The following SLC9A4 variants were observed in gnomAD, a reference collection of about 807,000 sequenced individuals.
The protein encoded by SLC9A4 is sodium/hydrogen exchanger 4.
SLC9A4 carries 63 observed loss-of-function variants against 67.4 expected under a neutral mutation model. That is an observed-to-expected ratio of 0.93 (90% CI 0.76 to 1.15). The LOEUF (loss-of-function observed/expected upper bound fraction) is 1.15, where lower values mean the gene tolerates loss of function less well. Ranked by LOEUF, SLC9A4 falls within the 50% of genes most tolerant of loss-of-function variation. The probability of loss-of-function intolerance (pLI) is 0.00; values close to 1 mark genes in which losing one functional copy is unlikely to be tolerated. For synonymous variants in SLC9A4, 393 were observed against 367.2 expected, an observed-to-expected ratio of 1.07 and a Z score of -0.80; for missense variants, 1,089 against 987.7, an observed-to-expected ratio of 1.10 and a Z score of -1.38.
At chr2:102,475,549 C>T (rs1452379573) in intron 1 of SLC9A4, among the ~76,000 whole-genome samples, 1 of 152,174 alleles carries the variant, frequency 6.6e-6, no homozygotes, top group African/African-American at 2.4e-5. Context: ...TTCATTCTGT[C>T]TAGGAGCGAA....
rs1458051350 is a variant in SLC9A4, at chr2:102,512,257, T to G, written c.1543T>G (p.Tyr515Asp). 15 of 1,614,018 alleles carry G rather than the reference T, an allele frequency of 9.3e-6. No individual in the cohort carries two copies. The highest frequency in any genetic ancestry group is 1.6e-4 in the Middle Eastern group (1 of 6,084). Residue 515 changes from tyrosine (Y) to aspartate (D), a missense_variant, in exon 7 of 12, where the codon TAC (tyrosine) becomes GAC (aspartate). Physicochemically the swap from Tyr to Asp is radical, Grantham distance 160. Transcript: ENST00000295269. ...AGATGTGTGTGGGCACTGGAGTCAC[T>G]ACCAAGTGAGAGACAAGTAAGGAGG... is the stretch of plus-strand genomic sequence containing the variant. ...IEDVCGHWSH[Y>D]QVRDKFKKFD...
chr2:102,509,324 C>T (rs1415539222), intron 6 of SLC9A4, among the ~76,000 whole-genome samples: 1 of 152,212 alleles, frequency 6.6e-6, no homozygotes, highest in East Asian at 1.9e-4. Flanking sequence ...CTCCCTCTTC[C>T]ACACTGAAGG....
chr2:102,484,130 G>A (rs1242673641), intron 2 of SLC9A4, among the ~76,000 whole-genome samples: 2 of 152,014 alleles, frequency 1.3e-5, no homozygotes, highest in East Asian at 1.9e-4. Context: ...TAAGAGGCAT[G>A]ACCAAGTGCC....
intron 2 of SLC9A4, among the ~76,000 whole-genome samples, chr2:102,490,958 G>A (rs1158441463): frequency 6.6e-6 from 1 of 152,186 alleles, no homozygotes; most frequent in Non-Finnish European, 1.5e-5. Context: ...CACTGTGCTG[G>A]AGGAAAGAGA....
chr2:102,504,989 T>C (rs1206835936), intron 3 of SLC9A4, among the ~76,000 whole-genome samples: 2 of 152,250 alleles, frequency 1.3e-5, no homozygotes, highest in East Asian at 3.9e-4. Context: ...GCATTGGGTG[T>C]GCCCATGCGA....
intron 2 of SLC9A4, among the ~76,000 whole-genome samples, chr2:102,491,547 T>C (rs1334364255): frequency 2.0e-5 from 3 of 152,024 alleles, no homozygotes; most frequent in Non-Finnish European, 2.9e-5. Flanking sequence ...CCAGATCTCA[T>C]GAGACTTATT....
chr2:102,527,474 A>T (rs939757065), intron 11 of SLC9A4, among the ~76,000 whole-genome samples: 2 of 152,232 alleles, frequency 1.3e-5, no homozygotes, highest in South Asian at 2.1e-4. Flanking sequence ...ATTCCTAATT[A>T]ATAAATACTT....
intron 6 of SLC9A4, among the ~76,000 whole-genome samples, 170 bp downstream of exon 6, chr2:102,509,103 A>T (rs928110079): frequency 6.6e-6 from 1 of 152,238 alleles, no homozygotes; most frequent in Non-Finnish European, 1.5e-5. Flanking sequence ...CTTAGTGCTT[A>T]AAACAATGCA....
chr2:102,502,351 T>C (rs933220673), intron 2 of SLC9A4, among the ~76,000 whole-genome samples: 1 of 152,118 alleles, frequency 6.6e-6, no homozygotes, highest in African/African-American at 2.4e-5. Flanking sequence ...GTGTGTCACA[T>C]AGGCTAGAAT....
chr2:102,530,264 C>T (rs1285825961), intron 11 of SLC9A4, among the ~76,000 whole-genome samples: 1 of 152,090 alleles, frequency 6.6e-6, no homozygotes, highest in Non-Finnish European at 1.5e-5. Context: ...TCCTTTCATG[C>T]CAGGGTGCCC....
Position 102,479,210 on chromosome 2 carries a change from G to A in SLC9A4, c.628G>A (p.Ala210Thr), listed in dbSNP as rs1486965963. The A allele has an allele frequency of 1.9e-6, 3 of 1,614,188 alleles. No homozygotes were observed. The Admixed American group carries it at 5.0e-5, about 27-fold the overall frequency. Residue 210 changes from alanine (A) to threonine (T), a missense_variant, in exon 2 of 12, where the codon GCC becomes ACC. Physicochemically the swap from Ala to Thr is moderately conservative, Grantham distance 58. Coordinates refer to ENST00000295269, the MANE Select transcript of SLC9A4 (RefSeq NM_001011552.4). ...GSLISAVDPV[A>T]VLAVFEEARV... Reference sequence around the variant, plus strand: ...CCTGATCTCCGCCGTGGACCCAGTGGCCGTGCTAGCCGTGTTTGAGGAAGC... The same window carrying A: ...CCTGATCTCCGCCGTGGACCCAGTGACCGTGCTAGCCGTGTTTGAGGAAGC...
Position 102,484,394 on chromosome 2 carries a change from A to G in SLC9A4, c.720+5092A>G, listed in dbSNP as rs571627621. 7.2e-5 allele frequency among the ~76,000 whole-genome samples: 11 copies of G among 152,312 alleles called. No individual in the cohort carries two copies. The South Asian group carries it at 2.3e-3, about 32-fold the overall frequency. On this transcript the variant is annotated intron_variant, in intron 2 of 11. Transcript: ENST00000295269. ...GCCAGTGTTCTTTCTGCAAAACACT[A>G]TGGCTTGAGGCAACATTCTGATCCT... is the stretch of plus-strand genomic sequence containing the variant.
chr2:102,506,037 G>A (rs1685043830), intron 4 of SLC9A4, among the ~76,000 whole-genome samples: 1 of 152,230 alleles, frequency 6.6e-6, no homozygotes, highest in African/African-American at 2.4e-5. Context: ...GTGCATGAAT[G>A]TGTGATGTAT....
chr2:102,498,838 G>A (rs1684863450), intron 2 of SLC9A4, among the ~76,000 whole-genome samples: 1 of 152,176 alleles, frequency 6.6e-6, no homozygotes, highest in Admixed American at 6.5e-5. Context: ...TAGCAGTTTT[G>A]TAAAGTGTGA....
At position 102,479,079 on chromosome 2, in the gene SLC9A4, C is replaced by T; in HGVS notation, c.497C>T (p.Ala166Val). Residue 166 changes from alanine to valine, a missense_variant, in exon 2 of 12, where the codon GCC (alanine) becomes GTC (valine). Physicochemically the swap from Ala to Val is moderately conservative, Grantham distance 64. Transcript: ENST00000295269. Reference protein sequence around the residue: ...GSILWWAVLGALINALGIGLS... With the variant: ...GSILWWAVLGVLINALGIGLS... ...ATCCTGTGGTGGGCAGTATTGGGGG[C>T]CCTGATCAACGCCTTGGGCATTGGC... 1 of 1,614,188 alleles carries T rather than the reference C, an allele frequency of 6.2e-7. No homozygotes were observed. Among genetic ancestry groups the T allele is most frequent in the Non-Finnish European group, 8.5e-7 (1 of 1,180,038 alleles).
At chr2:102,483,057 T>C (rs1441614387) in intron 2 of SLC9A4, among the ~76,000 whole-genome samples, 1 of 152,188 alleles carries the variant, frequency 6.6e-6, no homozygotes, top group Non-Finnish European at 1.5e-5. Context: ...AAAGTTTAAT[T>C]GCTTTGGGGG....
At chr2:102,522,038 G>A (rs985177269) in intron 9 of SLC9A4, among the ~76,000 whole-genome samples, 1 of 152,180 alleles carries the variant, frequency 6.6e-6, no homozygotes, top group East Asian at 1.9e-4. Context: ...AAACTTAAGG[G>A]ACTCACCTCT....
At chr2:102,505,594 A>T in intron 4 of SLC9A4, 123 bp downstream of exon 4, 1 of 871,952 alleles carries the variant, frequency 1.1e-6, no homozygotes, top group Non-Finnish European at 1.7e-6. Flanking sequence ...GTTAGGGTAG[A>T]CTAGGAACCT....
intron 3 of SLC9A4, 110 bp downstream of exon 3, chr2:102,503,817 A>C: frequency 7.1e-7 from 1 of 1,407,282 alleles, no homozygotes; most frequent in Non-Finnish European, 9.6e-7. Flanking sequence ...TAACCCTCCA[A>C]CATGTTGCAG....
Sources: allele counts gnomAD v4.1 joint callset (sites outside exome capture counted in the v4.1 genomes callset), GRCh38; gene constraint gnomAD v4.1.1; transcripts MANE v1.5; gene names NCBI Gene and HGNC (gene_info 2026-07-23, HGNC 2026-07-21).